ADAM23: variants seen among roughly 807,000 people sequenced by gnomAD.
The protein encoded by ADAM23 is disintegrin and metalloproteinase domain-containing protein 23.
In ADAM23, 33 loss-of-function variants were observed where a neutral mutation model predicts 120.1. The observed-to-expected ratio is 0.27, with a 90% CI of 0.21 to 0.37. The LOEUF (loss-of-function observed/expected upper bound fraction) is 0.37. ADAM23 is among the 10% of genes least tolerant of loss of function. ADAM23 has a pLI of 1.00. For missense variants in ADAM23, 862 were observed against 1,058.2 expected (o/e 0.81, Z 2.57); for synonymous variants, 367 against 375.2 (o/e 0.98, Z 0.25).
chr2:206,490,684 G>A (rs2105885366), intron 3 of ADAM23, among the ~76,000 whole-genome samples: 1 of 152,276 alleles, frequency 6.6e-6, no homozygotes, highest in South Asian at 2.1e-4. Flanking sequence ...TGGTAGGAAT[G>A]AGTTGCTATG....
Position 206,527,032 on chromosome 2 carries a change from A to G in ADAM23, c.510-3853A>G, listed in dbSNP as rs114897723. ...GTTTATTCATTTACTTATAAAGGTCACTCCTCTTTCAACAGATAACCTGCA... is the reference window on the plus strand; with the variant it reads ...GTTTATTCATTTACTTATAAAGGTCGCTCCTCTTTCAACAGATAACCTGCA... On this transcript the variant is annotated intron_variant, in intron 3 of 25. Transcript: ENST00000264377. Among the ~76,000 whole-genome samples the G allele has an allele frequency of 3.4e-3, 515 of 152,226 alleles. 3 individuals carry two copies. Among genetic ancestry groups the G allele is most frequent in the African/African-American group, 0.012 (483 of 41,524 alleles).
intron 3 of ADAM23, among the ~76,000 whole-genome samples, chr2:206,499,992 TC>T (rs1254757781): frequency 9.2e-5 from 14 of 152,172 alleles, no homozygotes; most frequent in African/African-American, 3.1e-4. Context: ...ACTACATTTT[TC>T]TTGTTTTGAG....
chr2:206,502,282 A>T (rs996386993), intron 3 of ADAM23, among the ~76,000 whole-genome samples: 1 of 152,138 alleles, frequency 6.6e-6, no homozygotes, highest in Non-Finnish European at 1.5e-5. Flanking sequence ...GATTTTACCT[A>T]AAAACATTTT....
chr2:206,485,286 T>G (rs1695988082), intron 3 of ADAM23, among the ~76,000 whole-genome samples: 1 of 151,974 alleles, frequency 6.6e-6, no homozygotes, highest in Non-Finnish European at 1.5e-5. Context: ...AGGTAGAGAG[T>G]CAGGAGAATG....
At position 206,573,096 on chromosome 2, in the gene ADAM23, A is replaced by C; in HGVS notation, c.1657-19A>C. On this transcript the variant is annotated intron_variant, in intron 17 of 25. Transcript: ENST00000264377. ...ATATTATGTAATGCTAACTCTTAAT[A>C]TTGAATTTTGATTTGCAGTTTCAGC... 1 of 1,612,592 alleles carries C rather than the reference A, an allele frequency of 6.2e-7. No homozygotes were observed.
At chr2:206,478,499 C>A (rs1362417771) in intron 2 of ADAM23, among the ~76,000 whole-genome samples, 2 of 147,762 alleles carry the variant, frequency 1.4e-5, no homozygotes, top group Non-Finnish European at 3.0e-5. Context: ...ATGTTTGAAT[C>A]ATAATGATAT....
chr2:206,473,918 TG>T (rs1198884110), intron 2 of ADAM23, among the ~76,000 whole-genome samples: 1 of 146,968 alleles, frequency 6.8e-6, no homozygotes, highest in Non-Finnish European at 1.5e-5. Context: ...GAGGCTGAGG[TG>T]GGAGGATTGC....
At chr2:206,607,938 T>C (rs1698757952) in intron 24 of ADAM23, 1 of 399,962 alleles carries the variant, frequency 2.5e-6, no homozygotes, top group Non-Finnish European at 4.8e-6. Context: ...TCATGAATTA[T>C]GTGTTGATTC....
chr2:206,608,289 G>C (rs908559524), intron 24 of ADAM23, among the ~76,000 whole-genome samples: 1 of 152,164 alleles, frequency 6.6e-6, no homozygotes, highest in African/African-American at 2.4e-5. Flanking sequence ...GCAGACAGTG[G>C]GGCTAGATTT....
intron 25 of ADAM23, among the ~76,000 whole-genome samples, chr2:206,614,621 C>T (rs1698899609): frequency 6.6e-6 from 1 of 151,676 alleles, no homozygotes; most frequent in Non-Finnish European, 1.5e-5. Flanking sequence ...CATTGCACTC[C>T]AGCCTGGGCA....
intron 3 of ADAM23, among the ~76,000 whole-genome samples, chr2:206,519,010 A>G (rs1476077041): frequency 6.6e-6 from 1 of 152,218 alleles, no homozygotes; most frequent in Middle Eastern, 3.2e-3. Context: ...AATCATACTC[A>G]TATTCACTCT....
chr2:206,512,229 C>T (rs183482976), intron 3 of ADAM23, among the ~76,000 whole-genome samples: 102 of 152,294 alleles, frequency 6.7e-4, no homozygotes, highest in Non-Finnish European at 1.3e-3. Flanking sequence ...ATTTTCTAAA[C>T]AAGCTGCTTA....
intron 3 of ADAM23, among the ~76,000 whole-genome samples, chr2:206,530,084 C>T (rs1160298549): frequency 1.3e-5 from 2 of 152,174 alleles, no homozygotes; most frequent in South Asian, 4.1e-4. Context: ...GCTGGGATTA[C>T]AGGCATGAGT....
Position 206,452,104 on chromosome 2 carries a change from TA to T in ADAM23, c.432+6582del, listed in dbSNP as rs137895538. Among the ~76,000 whole-genome samples, 858 of 152,202 alleles carry T rather than the reference TA, an allele frequency of 5.6e-3. 7 individuals are homozygous for T. The highest frequency in any genetic ancestry group is 0.02 in the African/African-American group (812 of 41,524). ...GGATGGGAGTAATTCACCTAGGGAG[TA>T]ACCCACCTACAGGTAAGATGTGGCT... On this transcript the variant is annotated intron_variant, in intron 2 of 25. Transcript: ENST00000264377.
At chr2:206,577,592 T>C (rs1574544799) in intron 18 of ADAM23, among the ~76,000 whole-genome samples, 2 of 141,984 alleles carry the variant, frequency 1.4e-5, no homozygotes, top group East Asian at 4.0e-4. Context: ...GGACATGAAC[T>C]CATCATTTTT....
At chr2:206,503,592 CTG>C (rs1696434568) in intron 3 of ADAM23, among the ~76,000 whole-genome samples, 1 of 152,086 alleles carries the variant, frequency 6.6e-6, no homozygotes, top group Non-Finnish European at 1.5e-5. Context: ...AAACTGAAAA[CTG>C]AGATTGATGG....
chr2:206,462,480 C>G (rs1453528216), intron 2 of ADAM23, among the ~76,000 whole-genome samples: 1 of 152,198 alleles, frequency 6.6e-6, no homozygotes, highest in Non-Finnish European at 1.5e-5. Flanking sequence ...TGTTCTTCCC[C>G]TTTTCGCCCT....
At chr2:206,562,778 G>GC (rs1697793769) in intron 13 of ADAM23, among the ~76,000 whole-genome samples, 1 of 152,218 alleles carries the variant, frequency 6.6e-6, no homozygotes, top group Non-Finnish European at 1.5e-5. Context: ...GGAAGACCCT[G>GC]CCCCAGGGCC....
At position 206,605,865 on chromosome 2, in the gene ADAM23, C is replaced by A. The variant is rs1402314351; in HGVS notation, c.2360-4045C>A. ...GCCCTGGGGGTGATTTTTGGAGGCACAGGGTGGGGAATAGAGTAAGCATCC... is the reference window on the plus strand; with the variant it reads ...GCCCTGGGGGTGATTTTTGGAGGCAAAGGGTGGGGAATAGAGTAAGCATCC... On this transcript the variant is annotated intron_variant, in intron 24 of 25. Coordinates refer to ENST00000264377, the MANE Select transcript of ADAM23 (RefSeq NM_003812.4). 3 of 687,456 alleles carry A rather than the reference C, an allele frequency of 4.4e-6. No homozygotes were observed. The Admixed American group carries it at 6.5e-5, about 15-fold the overall frequency. 42.6% of individuals were successfully genotyped at this position (687,456 alleles called of 1,614,324 possible). A position where few individuals can be genotyped will look rare whatever the true frequency, so the allele number is the denominator to read the frequency against.
Sources: allele counts gnomAD v4.1 joint callset (sites outside exome capture counted in the v4.1 genomes callset), GRCh38; gene constraint gnomAD v4.1.1; transcripts MANE v1.5; gene names NCBI Gene and HGNC (gene_info 2026-07-23, HGNC 2026-07-21).